Variants in SLC10A1 observed in about 807,000 individuals in gnomAD.
SLC10A1 encodes solute carrier family 10 member 1.
SLC10A1 carries 36 observed loss-of-function variants against 20.5 expected under a neutral mutation model. The observed-to-expected ratio is 1.75, with a 90% CI of 1.34 to 2.32. The LOEUF is 2.32. Among genes scored for constraint, SLC10A1 ranks in the 30% most tolerant of loss-of-function variants. SLC10A1 has a pLI of 0.00. For missense variants in SLC10A1, 545 were observed against 439.1 expected, an observed-to-expected ratio of 1.24 and a Z score of -2.16; for synonymous variants, 188 against 163.6, an observed-to-expected ratio of 1.15 and a Z score of -1.14.
chr14:69,782,632 C>T (rs537771664), intron 2 of SLC10A1, among the ~76,000 whole-genome samples: 29 of 152,110 alleles, frequency 1.9e-4, no homozygotes, highest in African/African-American at 6.7e-4. Flanking sequence ...ACGGTGAAAC[C>T]CCGTCTTTAC....
chr14:69,779,412 A>G, intron 2 of SLC10A1, 52 bp from the exon 3 acceptor site: 1 of 1,471,012 alleles, frequency 6.8e-7, no homozygotes, highest in Non-Finnish European at 9.3e-7. Flanking sequence ...ATAGAGAGGA[A>G]CAGAGGTGGG....
At chr14:69,780,056 G>A (rs543033784) in intron 2 of SLC10A1, among the ~76,000 whole-genome samples, 2 of 151,688 alleles carry the variant, frequency 1.3e-5, no homozygotes, top group South Asian at 2.1e-4. Flanking sequence ...CCGGAAATAC[G>A]GTTTTAAACC....
chr14:69,790,362 A>C (rs1382332946), intron 1 of SLC10A1, among the ~76,000 whole-genome samples: 2 of 152,172 alleles, frequency 1.3e-5, no homozygotes, highest in Non-Finnish European at 2.9e-5. Flanking sequence ...TGATCTTGGA[A>C]CGAAAGCTGG....
intron 1 of SLC10A1, among the ~76,000 whole-genome samples, chr14:69,790,463 TA>T (rs534516234): frequency 5.9e-5 from 9 of 152,182 alleles, no homozygotes; most frequent in African/African-American, 2.2e-4. Context: ...ATAAGTGTTT[TA>T]AAAAATACAA....
At chr14:69,782,234 A>G (rs1024027557) in intron 2 of SLC10A1, among the ~76,000 whole-genome samples, 11 of 152,202 alleles carry the variant, frequency 7.2e-5, no homozygotes, top group African/African-American at 2.4e-4. Context: ...GGTCCAGGGC[A>G]TGCCTGGGTT....
At chr14:69,785,712 C>T (rs1480051041) in intron 2 of SLC10A1, among the ~76,000 whole-genome samples, 1 of 151,744 alleles carries the variant, frequency 6.6e-6, no homozygotes, top group East Asian at 1.9e-4. Flanking sequence ...ATTCTGCTGC[C>T]TCAGCCTCCT....
chr14:69,779,495 C>T, intron 2 of SLC10A1, 135 bp from the exon 3 acceptor site: 3 of 598,192 alleles, frequency 5.0e-6, no homozygotes, highest in East Asian at 2.9e-5. Flanking sequence ...TATGAAAGAC[C>T]TTTATCTTCT....
At chr14:69,790,944 C>T (rs11624532) in intron 1 of SLC10A1, among the ~76,000 whole-genome samples, 11,308 of 152,002 alleles carry the variant, frequency 0.074, 599 homozygotes, top group East Asian at 0.15. Flanking sequence ...AATACATTAG[C>T]ATCAGTCAGT....
In SLC10A1 at chr14:69,776,373, A is replaced by C; in HGVS notation, c.959T>G (p.Ile320Ser). Residue 320 changes from isoleucine (I) to serine (S), a missense_variant, in exon 5 of 5, where the codon ATC becomes AGC. By Grantham distance (142) the Ile-to-Ser change is moderately radical. Coordinates refer to ENST00000216540, the MANE Select transcript of SLC10A1 (RefSeq NM_003049.4). ...TTCTTCAGTTGTGGCAGCTGTGTAG[A>C]TCATTTTTGTTTTATCTGTAAAGTT... ...FKTPKDKTKMIYTAATTEETI... is the reference protein window; with the variant it reads ...FKTPKDKTKMSYTAATTEETI... 1 of 1,613,906 alleles carries C rather than the reference A, an allele frequency of 6.2e-7. No homozygotes were observed. The highest frequency in any genetic ancestry group is 8.5e-7 in the Non-Finnish European group (1 of 1,179,922).
intron 1 of SLC10A1, among the ~76,000 whole-genome samples, chr14:69,791,105 T>TA (rs1387035157): frequency 2.6e-5 from 4 of 152,020 alleles, no homozygotes; most frequent in African/African-American, 9.7e-5. Flanking sequence ...AGAAAGGTAT[T>TA]AAAAAAGGCC....
intron 1 of SLC10A1, among the ~76,000 whole-genome samples, chr14:69,794,585 T>G (rs1430770284): frequency 6.6e-6 from 1 of 152,228 alleles, no homozygotes; most frequent in Non-Finnish European, 1.5e-5. Flanking sequence ...TCGTTGTCAT[T>G]ATTATAATGC....
intron 2 of SLC10A1, among the ~76,000 whole-genome samples, chr14:69,780,748 C>T (rs531054590): frequency 6.6e-6 from 1 of 152,330 alleles, no homozygotes; most frequent in East Asian, 1.9e-4. Context: ...TAACCATGTG[C>T]TTCAAGTTTT....
chr14:69,785,426 CTTCTCCCCAGG>C (rs1440007921), intron 2 of SLC10A1, among the ~76,000 whole-genome samples: 1 of 152,164 alleles, frequency 6.6e-6, no homozygotes, highest in Non-Finnish European at 1.5e-5. Context: ...TCTATTCAGG[CTTCTCCCCAGG>C]TTTACCTAAA....
chr14:69,786,409 T>A (rs970533994), intron 1 of SLC10A1, 102 bp from the exon 2 acceptor site: 1 of 870,318 alleles, frequency 1.1e-6, no homozygotes. Context: ...GCTTGACATA[T>A]GTGGCTTCAG....
rs200849985 is a variant in SLC10A1, at chr14:69,778,468, G to A, written c.808C>T (p.Leu270Phe). The change falls in exon 4 of 5, where the codon CTC becomes TTC. Residue 270 changes from leucine to phenylalanine, a missense_variant. Transcript: ENST00000216540. The part of the protein sequence containing the change: ...CQNVQLCSTI[L>F]NVAFPPEVIG... Reference sequence around the variant, plus strand: ...ACTTCAGGTGGAAAGGCCACATTGAGGATGGTGGAACAGAGTTGGACATTT... The same window carrying A: ...ACTTCAGGTGGAAAGGCCACATTGAAGATGGTGGAACAGAGTTGGACATTT... 3.1e-6 allele frequency: 5 copies of A among 1,613,732 alleles called. No individual in the cohort carries two copies. Among genetic ancestry groups the A allele is most frequent in the East Asian group, 4.5e-5 (2 of 44,884 alleles).
intron 2 of SLC10A1, among the ~76,000 whole-genome samples, chr14:69,783,641 TA>T (rs1472061612): frequency 6.6e-6 from 1 of 152,146 alleles, no homozygotes; most frequent in Non-Finnish European, 1.5e-5. Context: ...TAAACTATCC[TA>T]GGGGGAAGGA....
intron 1 of SLC10A1, among the ~76,000 whole-genome samples, chr14:69,790,867 T>C (rs1883822331): frequency 6.6e-6 from 1 of 152,086 alleles, no homozygotes; most frequent in Non-Finnish European, 1.5e-5. Context: ...ATGATAGGAT[T>C]GTCCACAGAA....
Position 69,776,342 on chromosome 14 carries a change from A to G in SLC10A1, c.990T>C (p.Ile330=), listed in dbSNP as rs776215501. The change falls in exon 5 of 5, where the codon ATT becomes ATC. Residue 330 remains isoleucine, a synonymous_variant. Coordinates refer to ENST00000216540, the MANE Select transcript of SLC10A1 (RefSeq NM_003049.4). ...IYTAATTEET[I]PGALGNGTYK... ...AGGTGCCATTTCCCAGAGCTCCTGG[A>G]ATTGTTTCTTCAGTTGTGGCAGCTG... 6.2e-7 allele frequency: 1 copy of G among 1,613,914 alleles called. No individual in the cohort carries two copies. Among genetic ancestry groups the G allele is most frequent in the Non-Finnish European group, 8.5e-7 (1 of 1,180,002 alleles).
chr14:69,784,955 A>G (rs747020827), intron 2 of SLC10A1, among the ~76,000 whole-genome samples: 1 of 152,174 alleles, frequency 6.6e-6, no homozygotes, highest in Non-Finnish European at 1.5e-5. Flanking sequence ...GTGTGAAAAT[A>G]AAACCCCCCT....
Sources: allele counts gnomAD v4.1 joint callset (sites outside exome capture counted in the v4.1 genomes callset), GRCh38; gene constraint gnomAD v4.1.1; transcripts MANE v1.5; gene names NCBI Gene and HGNC (gene_info 2026-07-23, HGNC 2026-07-21).